Variants in ARHGAP8 observed in about 807,000 individuals in gnomAD.
ARHGAP8 encodes the protein rho GTPase-activating protein 8.
Under a neutral mutation model 46.1 loss-of-function variants are expected in ARHGAP8, and 62 were observed. The ratio of observed to expected loss-of-function variants is 1.34; its 90% confidence interval spans 1.10 to 1.66. The LOEUF is 1.66. Ranked by LOEUF, ARHGAP8 falls within the 40% of genes most tolerant of loss-of-function variation. The pLI is 0.00. For missense variants in ARHGAP8, 923 were observed against 568.4 expected, an observed-to-expected ratio of 1.62 and a Z score of -6.34; for synonymous variants, 375 against 243.1, an observed-to-expected ratio of 1.54 and a Z score of -5.05.
Position 44,814,669 on chromosome 22 carries a change from C to T in ARHGAP8, c.300-3C>T, listed in dbSNP as rs753614737. 1 of 1,613,550 alleles carries T rather than the reference C, an allele frequency of 6.2e-7. No individual in the cohort carries two copies. Among genetic ancestry groups the T allele is most frequent in the South Asian group, 1.1e-5 (1 of 91,036 alleles). ...TGAAGTCATCCCCCGTTTCCCTCCT[C>T]AGGTACAAGAAGAACTTGAAGGCCC... On this transcript the variant is annotated splice_region_variant and splice_polypyrimidine_tract_variant and intron_variant, in intron 4 of 11. Transcript: ENST00000356099.
At chr22:44,772,490 A>G (rs55856639) in intron 1 of ARHGAP8, among the ~76,000 whole-genome samples, 16,388 of 150,608 alleles carry the variant, frequency 0.11, 1,293 homozygotes, top group East Asian at 0.39. Flanking sequence ...GTGCTGGCTG[A>G]TTTTTGAATA....
intron 8 of ARHGAP8, among the ~76,000 whole-genome samples, chr22:44,846,269 C>T (rs558669449): frequency 1.3e-5 from 2 of 152,386 alleles, no homozygotes; most frequent in African/African-American, 4.8e-5. Context: ...CTCAGCCCTG[C>T]ACCTTTCTGG....
At chr22:44,819,379 G>GT (rs1929969299) in intron 5 of ARHGAP8, among the ~76,000 whole-genome samples, 1 of 151,866 alleles carries the variant, frequency 6.6e-6, no homozygotes, top group Non-Finnish European at 1.5e-5. Flanking sequence ...GATTTAAAAT[G>GT]TTTTTAAGTT....
chr22:44,813,507 A>G (rs939386476), intron 4 of ARHGAP8, among the ~76,000 whole-genome samples: 1 of 150,860 alleles, frequency 6.6e-6, no homozygotes, highest in Non-Finnish European at 1.5e-5. Context: ...ACTTACACCT[A>G]CATACACATA....
At chr22:44,775,535 C>T (rs1926360226) in intron 1 of ARHGAP8, among the ~76,000 whole-genome samples, 1 of 152,084 alleles carries the variant, frequency 6.6e-6, no homozygotes, top group Non-Finnish European at 1.5e-5. Context: ...GCAACCTCTG[C>T]CTCCCGGGTT....
intron 2 of ARHGAP8, among the ~76,000 whole-genome samples, chr22:44,793,471 C>T (rs148288751): frequency 1.3e-5 from 2 of 152,156 alleles, no homozygotes; most frequent in Non-Finnish European, 2.9e-5. Context: ...TCCTGCAGCA[C>T]GCAGGCCTAA....
chr22:44,838,540 C>G (rs1183985247), intron 7 of ARHGAP8, among the ~76,000 whole-genome samples: 2 of 152,156 alleles, frequency 1.3e-5, no homozygotes, highest in Non-Finnish European at 2.9e-5. Context: ...TCCCAAAGTG[C>G]TAGGATTATA....
At chr22:44,785,459 G>A (rs371486962) in intron 1 of ARHGAP8, among the ~76,000 whole-genome samples, 20 of 152,176 alleles carry the variant, frequency 1.3e-4, no homozygotes, top group African/African-American at 3.9e-4. Context: ...GCTTGCGGCC[G>A]CATCACACTA....
rs2070560353 is a variant in ARHGAP8 at position 44,862,664 on chromosome 22, C to CT, written c.*71dup. ...TCTGTGCACTTGTATGTTTTGTAAACTTGGCATCTGTAAAAATAACCAGCC... is the reference window on the plus strand; with the variant it reads ...TCTGTGCACTTGTATGTTTTGTAAACTTTGGCATCTGTAAAAATAACCAGCC... On this transcript the variant is annotated 3_prime_UTR_variant, in exon 12 of 12. Transcript: ENST00000356099. 1.5e-5 allele frequency: 23 copies of CT among 1,484,546 alleles called. No homozygotes were observed. Among genetic ancestry groups the CT allele is most frequent in the Admixed American group, 2.4e-5 (1 of 42,400 alleles). The allele number at this position is 1,484,546 out of a possible 1,614,324, so 92.0% of individuals were successfully genotyped here. A position where few individuals can be genotyped will look rare whatever the true frequency, so the allele number is the denominator to read the frequency against.
intron 1 of ARHGAP8, among the ~76,000 whole-genome samples, chr22:44,768,287 G>A (rs552026237): frequency 1.3e-5 from 2 of 150,226 alleles, no homozygotes; most frequent in Admixed American, 6.6e-5. Context: ...GAGCCACCGC[G>A]TGCGGCCTCA....
chr22:44,835,557 G>C (rs977234413), intron 7 of ARHGAP8, among the ~76,000 whole-genome samples: 1 of 152,154 alleles, frequency 6.6e-6, no homozygotes, highest in Non-Finnish European at 1.5e-5. Flanking sequence ...GGAGGCGGAG[G>C]TTGCAGTGAG....
At chr22:44,783,045 A>G (rs918616861) in intron 1 of ARHGAP8, among the ~76,000 whole-genome samples, 10 of 151,400 alleles carry the variant, frequency 6.6e-5, no homozygotes, top group Admixed American at 5.9e-4. Flanking sequence ...CCAGCCCGAT[A>G]CACACGCTCC....
At chr22:44,860,643 A>C (rs1266958965) in intron 11 of ARHGAP8, among the ~76,000 whole-genome samples, 1 of 144,984 alleles carries the variant, frequency 6.9e-6, no homozygotes, top group African/African-American at 2.6e-5. Context: ...TCTACTACAC[A>C]CCAGGCTAAG....
intron 1 of ARHGAP8, among the ~76,000 whole-genome samples, chr22:44,755,120 G>A (rs956207113): frequency 6.6e-5 from 10 of 152,206 alleles, no homozygotes; most frequent in Non-Finnish European, 4.4e-5. Flanking sequence ...CAGGAGGCAC[G>A]GACTGTTACT....
chr22:44,798,835 T>G (rs1928283169), intron 2 of ARHGAP8, among the ~76,000 whole-genome samples: 2 of 152,110 alleles, frequency 1.3e-5, no homozygotes, highest in Non-Finnish European at 2.9e-5. Flanking sequence ...GTGCAATCTC[T>G]GCTCACTGCA....
intron 4 of ARHGAP8, among the ~76,000 whole-genome samples, chr22:44,813,253 CTT>C (rs1929465846): frequency 6.6e-6 from 1 of 151,470 alleles, no homozygotes; most frequent in Non-Finnish European, 1.5e-5. Flanking sequence ...TATACATACA[CTT>C]ACACACACAC....
intron 7 of ARHGAP8, among the ~76,000 whole-genome samples, chr22:44,828,754 A>G (rs1464346828): frequency 6.6e-6 from 1 of 151,890 alleles, no homozygotes; most frequent in African/African-American, 2.4e-5. Context: ...AGCCCGGGCC[A>G]GGATATTCCA....
intron 7 of ARHGAP8, among the ~76,000 whole-genome samples, chr22:44,830,037 T>TTTC (rs540403428): frequency 6.6e-6 from 1 of 151,010 alleles, no homozygotes. Flanking sequence ...TTTTTTTTTT[T>TTTC]CCCTGAGATG....
At chr22:44,777,759 A>G (rs893714185) in intron 1 of ARHGAP8, among the ~76,000 whole-genome samples, 1 of 152,044 alleles carries the variant, frequency 6.6e-6, no homozygotes, top group Non-Finnish European at 1.5e-5. Context: ...GTAATGGCAC[A>G]ATCTTGGCTC....
Sources: gnomAD v4.1 joint callset for allele counts (sites outside exome capture counted in the v4.1 genomes callset) on GRCh38, gnomAD v4.1.1 for gene constraint, MANE v1.5 for transcripts, NCBI Gene and HGNC (gene_info 2026-07-23, HGNC 2026-07-21) for gene names.